The following MTMR14 variants were observed in gnomAD, a reference collection of about 807,000 sequenced individuals.
The protein encoded by MTMR14 is myotubularin related protein 14, also known as phosphatidylinositol-3,5-bisphosphate 3-phosphatase MTMR14.
In MTMR14, 48 loss-of-function variants were observed where a neutral mutation model predicts 86.3. The ratio of observed to expected loss-of-function variants is 0.56; its 90% CI spans 0.44 to 0.71. MTMR14 has a LOEUF of 0.71. MTMR14 is among the 30% of genes least tolerant of loss of function. MTMR14 has a pLI of 0.00. For synonymous variants in MTMR14, 366 were observed against 326.1 expected, an observed-to-expected ratio of 1.12 and a Z score of -1.32; for missense variants, 780 against 834.6, an observed-to-expected ratio of 0.93 and a Z score of 0.81.
chr3:9,680,686 A>T (rs1298557188), intron 9 of MTMR14, among the ~76,000 whole-genome samples: 1 of 152,122 alleles, frequency 6.6e-6, no homozygotes, highest in Non-Finnish European at 1.5e-5. Context: ...TCTACTAAAA[A>T]ATTAGCCGGG....
Position 9,653,669 on chromosome 3 carries a change from T to C in MTMR14, c.208T>C (p.Cys70Arg), listed in dbSNP as rs1236014367. The change falls in exon 2 of 19, where the codon TGT (cysteine) becomes CGT (arginine). Residue 70 changes from cysteine to arginine, a missense_variant. Coordinates refer to ENST00000296003, the MANE Select transcript of MTMR14 (RefSeq NM_001077525.3). ...RCLELFGRDY[C>R]FSVIPNTNGD... ...TCTGGAGCTGTTTGGCCGAGACTAC[T>C]GTTTCAGCGTGATTCCAAACACGAA... The C allele has an allele frequency of 1.9e-6, 3 of 1,614,086 alleles. No individual in the cohort carries two copies. Among genetic ancestry groups the C allele is most frequent in the Non-Finnish European group, 8.5e-7 (1 of 1,180,044 alleles).
Position 9,687,859 on chromosome 3 carries a change from C to G in MTMR14, c.1203C>G (p.Thr401=), listed in dbSNP as rs1387364647. Residue 401 remains threonine, a synonymous_variant, in exon 14 of 19, where the codon ACC becomes ACG. Transcript: ENST00000296003. ...GCTTCAATTTTTTGAAGCATATTAC[C>G]TCCGAGGAGTTCTCTGCTCTGAAGA... ...FFCFNFLKHI[T]SEEFSALKTQ... 1.3e-6 allele frequency: 2 copies of G among 1,588,300 alleles called. No individual in the cohort carries two copies. The highest frequency in any genetic ancestry group is 1.7e-6 in the Non-Finnish European group (2 of 1,164,836).
intron 13 of MTMR14, among the ~76,000 whole-genome samples, chr3:9,686,409 G>A (rs1335746698): frequency 6.6e-6 from 1 of 152,178 alleles, no homozygotes; most frequent in Non-Finnish European, 1.5e-5. Context: ...TAGTGTCTGA[G>A]TTTGAGCCCT....
intron 2 of MTMR14, among the ~76,000 whole-genome samples, chr3:9,654,785 A>G (rs1352772301): frequency 3.3e-5 from 5 of 152,230 alleles, no homozygotes; most frequent in East Asian, 1.9e-4. Flanking sequence ...GCAGAAGCTC[A>G]TGCTCCAGAG....
At chr3:9,684,304 G>T (rs2075865040) in intron 10 of MTMR14, among the ~76,000 whole-genome samples, 1 of 152,156 alleles carries the variant, frequency 6.6e-6, no homozygotes, top group Non-Finnish European at 1.5e-5. Flanking sequence ...TGTCATCCCT[G>T]CCTAAATGAC....
chr3:9,675,753 G>A, intron 7 of MTMR14: 1 of 455,388 alleles, frequency 2.2e-6, no homozygotes, highest in Non-Finnish European at 4.4e-6. Context: ...ATCATAGGCG[G>A]GTCTGAGCTC....
rs1442621124 is a variant in MTMR14 at position 9,689,946 on chromosome 3, C to G, written c.1434-18C>G. On this transcript the variant is annotated intron_variant, in intron 16 of 18. Transcript: ENST00000296003. ...CTGCAGTGGCCCCCGGCTCACAGCC[C>G]TGCTCCTTCCACTGCAGGAGGAAGA... The G allele has an allele frequency of 2.5e-6, 4 of 1,604,552 alleles. No individual in the cohort carries two copies. In the South Asian group the frequency reaches 3.3e-5, roughly 13 times the overall value.
intron 2 of MTMR14, among the ~76,000 whole-genome samples, chr3:9,655,372 C>CA (rs924148166): frequency 6.7e-6 from 1 of 148,990 alleles, no homozygotes; most frequent in Non-Finnish European, 1.5e-5. Flanking sequence ...GACTCTATCT[C>CA]AAAAAAAAGA....
intron 2 of MTMR14, chr3:9,659,601 G>A (rs975729413): frequency 2.4e-6 from 1 of 417,418 alleles, no homozygotes; most frequent in South Asian, 1.7e-5. Context: ...GTGCTGCCAC[G>A]CCTGTCTAAT....
intron 18 of MTMR14, among the ~76,000 whole-genome samples, chr3:9,699,188 A>T (rs2076378509): frequency 6.7e-6 from 1 of 149,820 alleles, no homozygotes; most frequent in African/African-American, 2.5e-5. Context: ...AAAAAAAAAA[A>T]TTGCACCTTT....
chr3:9,668,914 C>T (rs1455599264), intron 4 of MTMR14, 120 bp downstream of exon 4: 6 of 1,021,864 alleles, frequency 5.9e-6, no homozygotes, highest in Admixed American at 1.8e-5. Context: ...CCAAGGCGAG[C>T]GGATCCCGAG....
chr3:9,692,354 GCCAATTC>G (rs1183659608), intron 17 of MTMR14, among the ~76,000 whole-genome samples: 2 of 152,236 alleles, frequency 1.3e-5, no homozygotes, highest in Non-Finnish European at 2.9e-5. Context: ...TCTGTGGGGT[GCCAATTC>G]TTACTAACCC....
At position 9,668,879 on chromosome 3, in the gene MTMR14, C is replaced by T. The variant is rs192032239; in HGVS notation, c.493+85C>T. 2.2e-6 allele frequency: 3 copies of T among 1,384,576 alleles called. No individual in the cohort carries two copies. In the East Asian group the frequency reaches 6.9e-5, roughly 32 times the overall value. 85.8% of individuals were successfully genotyped at this position (1,384,576 alleles called of 1,614,324 possible). On this transcript the variant is annotated intron_variant, in intron 4 of 18. Coordinates refer to ENST00000296003, the MANE Select transcript of MTMR14 (RefSeq NM_001077525.3). ...CCCGGGCCGGGCGCCATGCCTCACG[C>T]CTGTAATCTCAACACTTTGGGAGGC...
At chr3:9,686,481 C>G (rs1199689086) in intron 13 of MTMR14, among the ~76,000 whole-genome samples, 1 of 151,982 alleles carries the variant, frequency 6.6e-6, no homozygotes, top group Non-Finnish European at 1.5e-5. Flanking sequence ...CAGGACCTTT[C>G]TGTTACCCCC....
intron 3 of MTMR14, among the ~76,000 whole-genome samples, chr3:9,667,361 G>A (rs904460239): frequency 6.6e-6 from 1 of 152,086 alleles, no homozygotes; most frequent in Admixed American, 6.5e-5. Flanking sequence ...CTTTTAACGG[G>A]GTCTGGGAAT....
At position 9,669,472 on chromosome 3, in the gene MTMR14, G is replaced by A. The variant is rs776740314; in HGVS notation, c.534G>A (p.Thr178=). ...CCTGGGCAGATGTGGAGGACGTCAC[G>A]GAGGAGGACTGTGCTCTTCGGTCAG... ...DDAWADVEDV[T]EEDCALRSGD... is the part of the protein sequence containing the mutation. The change falls in exon 5 of 19, where the codon ACG becomes ACA. Residue 178 remains threonine (T), a synonymous_variant. Transcript: ENST00000296003. 57 of 1,613,560 alleles carry A rather than the reference G, an allele frequency of 3.5e-5. No homozygotes were observed. The East Asian group carries it at 8.0e-4, about 23-fold the overall frequency.
At chr3:9,652,844 G>A (rs2047380137) in intron 1 of MTMR14, among the ~76,000 whole-genome samples, 1 of 151,894 alleles carries the variant, frequency 6.6e-6, no homozygotes, top group African/African-American at 2.4e-5. Context: ...ATGAAAATTA[G>A]CCAAATATGC....
chr3:9,701,729 T>G lies in MTMR14; in HGVS notation c.1770-61T>G, dbSNP rs1559627619. ...ACAGGTGGTATGGAGGGAGGGAGGA[T>G]GAGGATACTGGGTCCTGTCCCAGGG... On this transcript the variant is annotated intron_variant, in intron 18 of 18. Transcript: ENST00000296003. This position sits in a 1 kb window ranked among gnomAD's most constrained non-coding sequence, Gnocchi z 4.2. The G allele has an allele frequency of 7.6e-6, 12 of 1,571,382 alleles. No individual in the cohort carries two copies. The highest frequency in any genetic ancestry group is 9.6e-6 in the Non-Finnish European group (11 of 1,147,768).
At chr3:9,686,156 CTCT>C (rs1461759825) in intron 13 of MTMR14, among the ~76,000 whole-genome samples, 35 of 152,350 alleles carry the variant, frequency 2.3e-4, no homozygotes, top group African/African-American at 7.9e-4. Context: ...TCTTCCAAAT[CTCT>C]TCTTCTGAAC....
Sources: allele counts gnomAD v4.1 joint callset (sites outside exome capture counted in the v4.1 genomes callset), GRCh38; gene constraint gnomAD v4.1.1; non-coding constraint Gnocchi (gnomAD v3.1); transcripts MANE v1.5; gene names NCBI Gene and HGNC (gene_info 2026-07-23, HGNC 2026-07-21).